The following PCDHA1 variants were observed in gnomAD, a reference collection of about 807,000 sequenced individuals.
PCDHA1 encodes the protein protocadherin alpha-1.
Under a neutral mutation model 61.3 loss-of-function variants are expected in PCDHA1, and 42 were observed. The observed-to-expected ratio is 0.69, with a 90% CI of 0.54 to 0.89. The LOEUF is 0.89. Ranked by LOEUF, PCDHA1 falls within the 40% of genes least tolerant of loss-of-function variation. The pLI, the probability that PCDHA1 is intolerant of heterozygous loss-of-function variation, is 0.00. For missense variants in PCDHA1, 1,256 were observed against 1,235.3 expected (o/e 1.02, Z -0.25); for synonymous variants, 610 against 553.8 (o/e 1.10, Z -1.43).
intron 1 of PCDHA1, chr5:140,967,799 A>G: frequency 1.2e-6 from 2 of 1,614,190 alleles, no homozygotes; most frequent in Non-Finnish European, 1.7e-6. Context: ...TCCAGTGCCC[A>G]TGGCAGGTCA....
intron 1 of PCDHA1, chr5:140,796,038 C>G (rs200785856): frequency 5.6e-6 from 9 of 1,614,212 alleles, no homozygotes; most frequent in Non-Finnish European, 7.6e-6. Flanking sequence ...TCTCACTTCC[C>G]ATCTCAGAGA....
intron 1 of PCDHA1, among the ~76,000 whole-genome samples, chr5:140,879,660 G>A (rs994440632): frequency 1.3e-5 from 2 of 152,154 alleles, no homozygotes; most frequent in East Asian, 1.9e-4. Flanking sequence ...TATAACAAAC[G>A]AACACAAACT....
At chr5:140,928,160 C>G (rs782224079) in intron 1 of PCDHA1, 1 of 1,614,096 alleles carries the variant, frequency 6.2e-7, no homozygotes, top group Non-Finnish European at 8.5e-7. Flanking sequence ...AGTGGCTCAC[C>G]CCCACTTAGC....
At chr5:140,827,346 AAAG>A (rs1451464058) in intron 1 of PCDHA1, among the ~76,000 whole-genome samples, 2 of 152,218 alleles carry the variant, frequency 1.3e-5, no homozygotes, top group Non-Finnish European at 2.9e-5. Context: ...AAGTATATGA[AAAG>A]AAAATATTTT....
At chr5:140,925,671 A>AATAATAATAATAATG (rs1445697337) in intron 1 of PCDHA1, among the ~76,000 whole-genome samples, 106 of 148,180 alleles carry the variant, frequency 7.2e-4, no homozygotes, top group African/African-American at 2.6e-3. Context: ...TAATAATAAT[A>AATAATAATAATAATG]ATAATAAAGC....
intron 1 of PCDHA1, chr5:140,836,210 T>A: frequency 6.2e-7 from 1 of 1,613,772 alleles, no homozygotes. Context: ...GGCTTTCGTA[T>A]GAGTTGCAAC....
At chr5:140,856,784 T>C in intron 1 of PCDHA1, 2 of 1,596,522 alleles carry the variant, frequency 1.3e-6, no homozygotes, top group Non-Finnish European at 1.7e-6. Flanking sequence ...CAGACCGGTT[T>C]ATGAAGTTAA....
intron 1 of PCDHA1, among the ~76,000 whole-genome samples, chr5:140,943,863 G>T (rs2093580168): frequency 1.3e-5 from 2 of 152,186 alleles, no homozygotes; most frequent in Admixed American, 1.3e-4. Context: ...TCAAGAAGAG[G>T]TCTCTGAAGT....
At chr5:140,857,856 A>G in intron 1 of PCDHA1, 1 of 1,597,730 alleles carries the variant, frequency 6.3e-7, no homozygotes, top group Non-Finnish European at 8.6e-7. Context: ...TCTGGATACA[A>G]CGCGTGGCTG....
At chr5:140,829,343 G>A (rs1770238655) in intron 1 of PCDHA1, 10 of 1,614,126 alleles carry the variant, frequency 6.2e-6, no homozygotes, top group South Asian at 1.1e-5. Flanking sequence ...CCGCGAGAGC[G>A]TGTCGGCCTA....
chr5:140,916,143 T>C (rs1237563249), intron 1 of PCDHA1, among the ~76,000 whole-genome samples: 3 of 152,012 alleles, frequency 2.0e-5, no homozygotes, highest in African/African-American at 7.2e-5. Flanking sequence ...GCTGTTCAGT[T>C]GTGTTGTGGT....
At position 140,787,612 on chromosome 5, in the gene PCDHA1, T is replaced by C. The variant is rs1554117892; in HGVS notation, c.1322T>C (p.Val441Ala). ...CCTTCGCTGTGGGCCACGGCCAGGG[T>C]GTCCGTGGAGGTGGCCGACGTGAAT... is the stretch of plus-strand genomic sequence containing the variant. The part of the protein sequence containing the change: ...GSPSLWATAR[V>A]SVEVADVNDN... Residue 441 changes from valine to alanine, a missense_variant, in exon 1 of 4, where the codon GTG (valine) becomes GCG (alanine). Val to Ala is a moderately conservative substitution (Grantham distance 64). Transcript: ENST00000504120. The C allele has an allele frequency of 6.2e-7, 1 of 1,613,954 alleles. No homozygotes were observed. Among genetic ancestry groups the C allele is most frequent in the Admixed American group, 1.7e-5 (1 of 60,010 alleles).
intron 1 of PCDHA1, chr5:140,968,545 G>C: frequency 6.2e-7 from 1 of 1,614,182 alleles, no homozygotes; most frequent in Non-Finnish European, 8.5e-7. Flanking sequence ...CCTTCGAGAT[G>C]GTGCCTCGAA....
At chr5:140,843,002 A>G in intron 1 of PCDHA1, 2 of 1,595,004 alleles carry the variant, frequency 1.3e-6, no homozygotes, top group Non-Finnish European at 1.7e-6. Context: ...CGAGAATGAC[A>G]ACGCGCCGGC....
chr5:140,822,161 C>A, intron 1 of PCDHA1: 1 of 1,614,240 alleles, frequency 6.2e-7, no homozygotes, highest in Non-Finnish European at 8.5e-7. Context: ...AATGACAATC[C>A]GCCCAGGTTC....
chr5:140,802,646 C>A (rs1230044523), intron 1 of PCDHA1: 1 of 1,613,710 alleles, frequency 6.2e-7, no homozygotes, highest in South Asian at 1.1e-5. Flanking sequence ...GGGACGCGGA[C>A]GCGCAGGAGA....
intron 1 of PCDHA1, chr5:140,867,533 T>C (rs2050017163): frequency 6.6e-6 from 1 of 152,110 alleles, no homozygotes. Flanking sequence ...AATATATATA[T>C]AAAATATTAG....
chr5:140,971,452 T>G (rs1554233345), intron 1 of PCDHA1, among the ~76,000 whole-genome samples: 1 of 152,088 alleles, frequency 6.6e-6, no homozygotes, highest in Admixed American at 6.5e-5. Context: ...CTCCAGAAAT[T>G]TTTGCAGTTA....
chr5:140,954,523 G>A (rs1368260807), intron 1 of PCDHA1, among the ~76,000 whole-genome samples: 4 of 152,186 alleles, frequency 2.6e-5, no homozygotes, highest in African/African-American at 9.6e-5. Flanking sequence ...AATGATCAGT[G>A]ATGTTGAGGT....
Sources: gnomAD v4.1 joint callset for allele counts (sites outside exome capture counted in the v4.1 genomes callset) on GRCh38, gnomAD v4.1.1 for gene constraint, MANE v1.5 for transcripts, NCBI Gene and HGNC (gene_info 2026-07-23, HGNC 2026-07-21) for gene names.